PTPRG: variants seen among roughly 807,000 people sequenced by gnomAD.
PTPRG encodes protein tyrosine phosphatase receptor type G.
PTPRG carries 102 observed loss-of-function variants against 165.3 expected under a neutral mutation model. That is an observed-to-expected ratio of 0.62 (90% CI 0.53 to 0.73). The LOEUF (loss-of-function observed/expected upper bound fraction) is 0.73. Ranked by LOEUF, PTPRG falls within the 30% of genes least tolerant of loss-of-function variation. PTPRG has a pLI of 0.00. For synonymous variants in PTPRG, 675 were observed against 669.5 expected (o/e 1.01, Z -0.13); for missense variants, 1,866 against 1,861.4 (o/e 1.00, Z -0.05).
chr3:62,007,856 G>A (rs1421058186), intron 4 of PTPRG, among the ~76,000 whole-genome samples: 3 of 152,184 alleles, frequency 2.0e-5, no homozygotes, highest in Non-Finnish European at 4.4e-5. Flanking sequence ...TTAAGTTTAA[G>A]GAATAGAGAG....
chr3:61,614,564 C>G (rs1229567004), intron 1 of PTPRG, among the ~76,000 whole-genome samples: 1 of 151,812 alleles, frequency 6.6e-6, no homozygotes, highest in African/African-American at 2.4e-5. Flanking sequence ...TGTGCACCAC[C>G]ACGCCCAGCT....
intron 2 of PTPRG, among the ~76,000 whole-genome samples, chr3:61,813,705 TC>T (rs1185436517): frequency 1.3e-5 from 2 of 151,930 alleles, no homozygotes; most frequent in African/African-American, 4.8e-5. Context: ...TCTTGGCTCT[TC>T]CATGGAACAT....
chr3:61,732,766 C>G (rs2032564759), intron 1 of PTPRG, among the ~76,000 whole-genome samples: 1 of 151,392 alleles, frequency 6.6e-6, no homozygotes, highest in African/African-American at 2.4e-5. Flanking sequence ...ATAAATCTTG[C>G]ATTAGCTAGG....
Position 61,670,937 on chromosome 3 carries a change from C to T in PTPRG, c.86-77941C>T, listed in dbSNP as rs575314249. Among the ~76,000 whole-genome samples the T allele has an allele frequency of 4.6e-5, 7 of 152,136 alleles. No individual in the cohort carries two copies. The East Asian group carries it at 7.7e-4, about 17-fold the overall frequency. On this transcript the variant is annotated intron_variant, in intron 1 of 29. Transcript: ENST00000474889. ...TGGGGAGTGTGACGTAGAGACACTGCGAAGCCGGAGCGATCAGGTTAGGTG... is the reference window on the plus strand; with the variant it reads ...TGGGGAGTGTGACGTAGAGACACTGTGAAGCCGGAGCGATCAGGTTAGGTG...
rs912420389 is a variant in PTPRG at position 62,126,086 on chromosome 3, A to C, written c.616-6516A>C. ...CTCATGAAAATGAGAAATTGCATGT[A>C]TTGACAATCTGCAAGACTGCTCCTG... On this transcript the variant is annotated intron_variant, in intron 5 of 29. Transcript: ENST00000474889. 5.3e-5 allele frequency among the ~76,000 whole-genome samples: 8 copies of C among 152,310 alleles called. No homozygotes were observed. The East Asian group carries it at 1.5e-3, about 29-fold the overall frequency.
chr3:62,220,923 T>C (rs1335895610), intron 13 of PTPRG, among the ~76,000 whole-genome samples: 1 of 152,106 alleles, frequency 6.6e-6, no homozygotes, highest in African/African-American at 2.4e-5. Context: ...ACCCTCCAGA[T>C]TGTTTCTGAC....
At chr3:61,797,358 T>A (rs566841025) in intron 2 of PTPRG, among the ~76,000 whole-genome samples, 1 of 152,348 alleles carries the variant, frequency 6.6e-6, no homozygotes, top group Non-Finnish European at 1.5e-5. Flanking sequence ...GGCTGAGTCT[T>A]AAAATCATTG....
At chr3:61,974,182 ACTGT>A (rs2040448366) in intron 2 of PTPRG, among the ~76,000 whole-genome samples, 1 of 152,126 alleles carries the variant, frequency 6.6e-6, no homozygotes, top group African/African-American at 2.4e-5. Context: ...AATAGGGCAG[ACTGT>A]CTTAGTACAC....
chr3:61,909,370 G>A (rs768007748), intron 2 of PTPRG, among the ~76,000 whole-genome samples: 5 of 152,072 alleles, frequency 3.3e-5, no homozygotes, highest in African/African-American at 9.7e-5. Context: ...CATTTTTTGA[G>A]ATAGGGTCTC....
chr3:61,905,643 A>G (rs1559680655), intron 2 of PTPRG, among the ~76,000 whole-genome samples: 2 of 152,114 alleles, frequency 1.3e-5, no homozygotes, highest in African/African-American at 4.8e-5. Context: ...ATTTCAGTTA[A>G]AGATCTACAA....
chr3:61,659,452 G>A (rs1702600369), intron 1 of PTPRG: 1 of 984,978 alleles, frequency 1.0e-6, no homozygotes, highest in South Asian at 4.7e-5. Flanking sequence ...TTGCAGGTTT[G>A]TCCAGACAGT....
intron 1 of PTPRG, among the ~76,000 whole-genome samples, chr3:61,678,796 A>G (rs747249442): frequency 2.0e-5 from 3 of 152,168 alleles, no homozygotes; most frequent in Admixed American, 6.5e-5. Flanking sequence ...TTGTTTGTCT[A>G]AAACTTTATT....
intron 14 of PTPRG, among the ~76,000 whole-genome samples, chr3:62,235,189 T>C (rs1701001563): frequency 6.6e-6 from 1 of 152,208 alleles, no homozygotes; most frequent in Non-Finnish European, 1.5e-5. Flanking sequence ...TGAGTTGGAC[T>C]ATCACATCAC....
At chr3:62,077,840 C>T (rs974130764) in intron 4 of PTPRG, among the ~76,000 whole-genome samples, 3 of 151,806 alleles carry the variant, frequency 2.0e-5, no homozygotes, top group African/African-American at 7.3e-5. Context: ...CCCATCTCTA[C>T]AAAAATACAA....
chr3:62,181,505 CAGTA>C (rs1358347802), intron 8 of PTPRG, among the ~76,000 whole-genome samples: 1 of 152,130 alleles, frequency 6.6e-6, no homozygotes, highest in African/African-American at 2.4e-5. Context: ...AAACTATGCT[CAGTA>C]AGTTTTCTAA....
intron 1 of PTPRG, among the ~76,000 whole-genome samples, chr3:61,586,201 A>C (rs781536073): frequency 9.2e-5 from 14 of 152,110 alleles, no homozygotes; most frequent in Non-Finnish European, 2.1e-4. Context: ...TCCATCCCCA[A>C]ATATCTAGGA....
At chr3:61,616,618 G>A (rs554655803) in intron 1 of PTPRG, among the ~76,000 whole-genome samples, 17 of 152,148 alleles carry the variant, frequency 1.1e-4, no homozygotes, top group South Asian at 1.0e-3. Context: ...CACCCTCCTC[G>A]TCTCACTTGG....
intron 2 of PTPRG, among the ~76,000 whole-genome samples, chr3:61,930,119 G>T (rs1188633568): frequency 6.7e-6 from 1 of 149,918 alleles, no homozygotes; most frequent in Non-Finnish European, 1.5e-5. Flanking sequence ...GCCAGTATAA[G>T]TATTTATAGA....
intron 1 of PTPRG, among the ~76,000 whole-genome samples, chr3:61,575,944 T>A (rs1462224829): frequency 6.6e-6 from 1 of 152,158 alleles, no homozygotes; most frequent in African/African-American, 2.4e-5. Flanking sequence ...AAATGGTACC[T>A]GTTTTTAATA....
Sources: gnomAD v4.1 joint callset for allele counts (sites outside exome capture counted in the v4.1 genomes callset) on GRCh38, gnomAD v4.1.1 for gene constraint, MANE v1.5 for transcripts, NCBI Gene and HGNC (gene_info 2026-07-23, HGNC 2026-07-21) for gene names.